The following ZNF831 variants were observed in gnomAD, a reference collection of about 807,000 sequenced individuals.
ZNF831 encodes the protein zinc finger protein 831.
Under a neutral mutation model 95.8 loss-of-function variants are expected in ZNF831, and 59 were observed. The observed-to-expected ratio is 0.62, with a 90% CI of 0.50 to 0.77. ZNF831 has a LOEUF of 0.77. ZNF831 is among the 30% of genes least tolerant of loss of function. The pLI, the probability that ZNF831 is intolerant of heterozygous loss-of-function variation, is 0.00. For missense variants in ZNF831, 2,205 were observed against 2,164.0 expected (o/e 1.02, Z -0.38); for synonymous variants, 961 against 925.5 (o/e 1.04, Z -0.70).
chr20:59,245,400 C>T (rs1987543235), intron 4 of ZNF831, among the ~76,000 whole-genome samples: 1 of 152,210 alleles, frequency 6.6e-6, no homozygotes, highest in Non-Finnish European at 1.5e-5. Context: ...GCTGTTTGGC[C>T]ATCCCCAGGC....
At chr20:59,152,749 C>T (rs1172000808) in intron 2 of ZNF831, among the ~76,000 whole-genome samples, 1 of 152,014 alleles carries the variant, frequency 6.6e-6, no homozygotes, top group Non-Finnish European at 1.5e-5. Context: ...AGTACAGCTC[C>T]CTTGGGGCCC....
rs1287350796 is a variant in ZNF831, at chr20:59,193,612, G to A, written c.2593G>A (p.Val865Met). 6.2e-7 allele frequency: 1 copy of A among 1,612,488 alleles called. No homozygotes were observed. The highest frequency in any genetic ancestry group is 8.5e-7 in the Non-Finnish European group (1 of 1,179,550). Residue 865 changes from valine to methionine, a missense_variant, in exon 2 of 6, where the codon GTG becomes ATG. Physicochemically the swap from Val to Met is conservative, Grantham distance 21. Transcript: ENST00000371030. ...GAAGCAGGATGCCGATCCCGGGGAG[G>A]TGCCAGGGGGCTCAAAGGAGAGTGC... ...SQKQDADPGE[V>M]PGGSKESARQ...
chr20:59,177,830 C>T (rs989583109), intron 1 of ZNF831, among the ~76,000 whole-genome samples: 2 of 152,116 alleles, frequency 1.3e-5, no homozygotes, highest in African/African-American at 4.8e-5. Flanking sequence ...TAATGTGACA[C>T]GATGTTGCCT....
chr20:59,223,628 C>G (rs1448155997), intron 4 of ZNF831, among the ~76,000 whole-genome samples: 1 of 152,132 alleles, frequency 6.6e-6, no homozygotes, highest in African/African-American at 2.4e-5. Flanking sequence ...CTCGGTTTCC[C>G]CATCTGTAAA....
At position 59,152,579 on chromosome 20, in the gene ZNF831, C is replaced by T. The variant is rs151226792; in HGVS notation, c.-1281+6205C>T. On this transcript the variant is annotated intron_variant, in intron 2 of 7. Coordinates refer to the ZNF831 transcript ENST00000637017. ...GTCCCTGCTCTTTTGGGGATTGCAA[C>T]GTTAAGCAAGTAATGATACATTTAA... Among the ~76,000 whole-genome samples, 163 of 152,212 alleles carry T rather than the reference C, an allele frequency of 1.1e-3. 1 individual carries two copies. The Middle Eastern group carries it at 0.027, about 25-fold the overall frequency.
In ZNF831 at chr20:59,192,359, C is replaced by A. The variant is rs1178207579; in HGVS notation, c.1340C>A (p.Thr447Asn). 2 of 1,611,388 alleles carry A rather than the reference C, an allele frequency of 1.2e-6. No individual in the cohort carries two copies. The highest frequency in any genetic ancestry group is 1.7e-6 in the Non-Finnish European group (2 of 1,179,138). Residue 447 changes from threonine to asparagine, a missense_variant, in exon 2 of 6, where the codon ACC becomes AAC. Coordinates refer to ENST00000371030, the MANE Select transcript of ZNF831 (RefSeq NM_178457.3). This position sits in a 1 kb window ranked among gnomAD's most constrained non-coding sequence, Gnocchi z 5.2. The part of the protein sequence containing the change: ...QGSIDLPTPY[T>N]YKDSFHFDIR... ...AGCATCGACCTGCCCACGCCCTACA[C>A]CTACAAGGACTCCTTCCACTTTGAC...
At chr20:59,222,502 T>C (rs548882704) in intron 4 of ZNF831, among the ~76,000 whole-genome samples, 2 of 152,092 alleles carry the variant, frequency 1.3e-5, no homozygotes, top group East Asian at 3.9e-4. Flanking sequence ...CTTTTTTTTT[T>C]TTTGTGTGAC....
intron 4 of ZNF831, among the ~76,000 whole-genome samples, chr20:59,210,467 T>C (rs770959849): frequency 1.3e-5 from 2 of 152,164 alleles, no homozygotes; most frequent in Non-Finnish European, 2.9e-5. Context: ...GCCCTGAGCA[T>C]GAGGCTGTGT....
At position 59,254,705 on chromosome 20, in the gene ZNF831, A is replaced by C. The variant is rs756925827; in HGVS notation, c.4996A>C (p.Ser1666Arg). ...AACTCGAGTAGAGTTCAGTGACACC[A>C]GCAGCGACGATGAAGACCGATTAGT... ...KQTRVEFSDT[S>R]SDDEDRLVIE... The change falls in exon 6 of 6, where the codon AGC (serine) becomes CGC (arginine). Residue 1666 changes from serine to arginine, a missense_variant. By Grantham distance (110) the Ser-to-Arg change is moderately radical (BLOSUM62 -1). Coordinates refer to ENST00000371030, the MANE Select transcript of ZNF831 (RefSeq NM_178457.3). This position sits in a 1 kb window ranked among gnomAD's most constrained non-coding sequence, Gnocchi z 4.5. The C allele has an allele frequency of 6.2e-7, 1 of 1,613,338 alleles. No homozygotes were observed. Among genetic ancestry groups the C allele is most frequent in the South Asian group, 1.1e-5 (1 of 91,038 alleles).
intron 1 of ZNF831, among the ~76,000 whole-genome samples, chr20:59,186,075 C>T (rs921585130): frequency 6.6e-6 from 1 of 152,200 alleles, no homozygotes; most frequent in South Asian, 2.1e-4. Flanking sequence ...CAGGCAGTCC[C>T]GATGCAGGCA....
chr20:59,179,563 G>A (rs1982444210), intron 1 of ZNF831, among the ~76,000 whole-genome samples: 1 of 152,080 alleles, frequency 6.6e-6, no homozygotes, highest in Non-Finnish European at 1.5e-5. Context: ...GAGGGCAAGG[G>A]AGGGTCCTTC....
At chr20:59,141,440 G>A (rs1335464710) in intron 1 of ZNF831, among the ~76,000 whole-genome samples, 1 of 152,144 alleles carries the variant, frequency 6.6e-6, no homozygotes, top group Non-Finnish European at 1.5e-5. Context: ...TGCCTACAGA[G>A]TCCATTTGCT....
upstream of ZNF831, among the ~76,000 whole-genome samples, chr20:59,161,365 G>C (rs1980852329): frequency 6.6e-6 from 1 of 151,920 alleles, no homozygotes; most frequent in Non-Finnish European, 1.5e-5. Flanking sequence ...GCAACCTCTG[G>C]CTCCTGGGTT....
At chr20:59,209,001 A>C (rs934860582) in intron 4 of ZNF831, among the ~76,000 whole-genome samples, 15 of 152,164 alleles carry the variant, frequency 9.9e-5, no homozygotes, top group Non-Finnish European at 2.1e-4. Flanking sequence ...CGGCACTGTG[A>C]CAGGGAGGGG....
intron 4 of ZNF831, among the ~76,000 whole-genome samples, chr20:59,252,609 T>G (rs923134337): frequency 2.6e-5 from 4 of 152,232 alleles, no homozygotes; most frequent in Non-Finnish European, 5.9e-5. Flanking sequence ...GAAACGTCTA[T>G]TCTGACTACT....
rs187462996 is a variant in ZNF831 at position 59,140,981 on chromosome 20, C to T, written c.-1424-5250C>T. On this transcript the variant is annotated intron_variant, in intron 1 of 7. Transcript: ENST00000637017. The stretch of plus-strand genomic sequence containing the variant: ...GTGGCACGATCTCAGCTCACTGCAA[C>T]CTCTTCCTCCCAGGTTCAAGCAATT... Among the ~76,000 whole-genome samples the T allele has an allele frequency of 8.3e-4, 126 of 152,286 alleles. 2 individuals carry two copies. Among genetic ancestry groups the T allele is most frequent in the Non-Finnish European group, 1.2e-3 (82 of 68,020 alleles).
At chr20:59,239,949 G>A (rs1396999729) in intron 4 of ZNF831, among the ~76,000 whole-genome samples, 1 of 152,188 alleles carries the variant, frequency 6.6e-6, no homozygotes, top group Admixed American at 6.5e-5. Context: ...AAATACCCAG[G>A]TAGACAGCCC....
Position 59,157,348 on chromosome 20 carries a change from G to A in ZNF831, c.-1280-2304G>A, listed in dbSNP as rs142092641. ...CTACTGAAAGTGTGGGGGCGGATCC[G>A]TGTGCTAAGGGAAGAGGGAAATGAG... is the stretch of plus-strand genomic sequence containing the variant. On this transcript the variant is annotated intron_variant, in intron 2 of 7. Transcript: ENST00000637017. Among the ~76,000 whole-genome samples the A allele has an allele frequency of 4.3e-3, 651 of 152,288 alleles. 9 individuals are homozygous for A. The highest frequency in any genetic ancestry group is 0.035 in the South Asian group (171 of 4,818).
At chr20:59,184,609 G>A (rs986871637) in intron 1 of ZNF831, among the ~76,000 whole-genome samples, 7 of 152,142 alleles carry the variant, frequency 4.6e-5, no homozygotes, top group African/African-American at 1.2e-4. Context: ...CATACGTGGC[G>A]GAGTGGGTGA....
Sources: gnomAD v4.1 joint callset for allele counts (sites outside exome capture counted in the v4.1 genomes callset) on GRCh38, gnomAD v4.1.1 for gene constraint, Gnocchi (gnomAD v3.1) non-coding constraint, MANE v1.5 for transcripts, NCBI Gene and HGNC (gene_info 2026-07-23, HGNC 2026-07-21) for gene names.